The following UNC79 variants were observed in gnomAD, a reference collection of about 807,000 sequenced individuals.
The protein encoded by UNC79 is protein unc-79 homolog.
UNC79 carries 37 observed loss-of-function variants against 283.1 expected under a neutral mutation model. The ratio of observed to expected loss-of-function variants is 0.13; its 90% CI spans 0.10 to 0.17. UNC79 has a LOEUF of 0.17. Ranked by LOEUF, UNC79 falls within the 10% of genes least tolerant of loss-of-function variation. The pLI is 1.00. For synonymous variants in UNC79, 1,107 were observed against 1,200.2 expected, an observed-to-expected ratio of 0.92 and a Z score of 1.61; for missense variants, 2,272 against 3,211.1, an observed-to-expected ratio of 0.71 and a Z score of 7.07.
chr14:93,481,975 C>T (rs2058168428), intron 4 of UNC79, among the ~76,000 whole-genome samples: 1 of 152,064 alleles, frequency 6.6e-6, no homozygotes, highest in Non-Finnish European at 1.5e-5. Flanking sequence ...CTTTGGTTTC[C>T]TTAGCTGTAA....
At chr14:93,528,603 C>A (rs2060651338) in exon 9 of UNC79, 1 of 1,613,660 alleles carries the variant, frequency 6.2e-7, no homozygotes, top group Non-Finnish European at 8.5e-7. Context: ...TGATAAACCA[C>A]CCCCGTTGTA....
At chr14:93,615,679 C>T (rs560527555) in intron 27 of UNC79, among the ~76,000 whole-genome samples, 2 of 128,806 alleles carry the variant, frequency 1.6e-5, no homozygotes, top group East Asian at 4.4e-4. Flanking sequence ...CAAGATTGCA[C>T]CACTAAACTC....
intron 35 of UNC79, among the ~76,000 whole-genome samples, chr14:93,647,191 A>G (rs1407635872): frequency 2.0e-5 from 3 of 152,234 alleles, no homozygotes; most frequent in Non-Finnish European, 4.4e-5. Context: ...AATTCATTCA[A>G]CAAGTATTTA....
At chr14:93,467,951 A>C (rs1270849387) in intron 2 of UNC79, among the ~76,000 whole-genome samples, 160 bp downstream of exon 2, 1 of 151,938 alleles carries the variant, frequency 6.6e-6, no homozygotes, top group African/African-American at 2.4e-5. Flanking sequence ...TGTATGTAGC[A>C]AATTGGATCC....
intron 1 of UNC79, among the ~76,000 whole-genome samples, chr14:93,378,850 A>T (rs2054611257): frequency 6.6e-6 from 1 of 152,184 alleles, no homozygotes; most frequent in South Asian, 2.1e-4. Flanking sequence ...CTCTTCTTTC[A>T]GTGTGATGTA....
Position 93,531,757 on chromosome 14 carries a change from A to G in UNC79, c.1094-793A>G, listed in dbSNP as rs188282646. On this transcript the variant is annotated intron_variant, in intron 10 of 48. Transcript: ENST00000555664. The surrounding 1 kb of genome is among the most constrained non-coding windows in gnomAD (Gnocchi z 4.2). ...TATCACATTAACCCAGTGTCATAGT[A>G]TAATGGGAAGAACAGTAAATGGGGA... is the stretch of plus-strand genomic sequence containing the variant. Among the ~76,000 whole-genome samples the G allele has an allele frequency of 1.1e-3, 164 of 152,352 alleles. No homozygotes were observed. Among genetic ancestry groups the G allele is most frequent in the Non-Finnish European group, 1.5e-3 (100 of 68,026 alleles).
chr14:93,525,309 C>T (rs1311980362), intron 8 of UNC79, among the ~76,000 whole-genome samples: 9 of 151,992 alleles, frequency 5.9e-5, no homozygotes, highest in African/African-American at 9.6e-5. Context: ...ATAAGCTGGG[C>T]GTGGTGGTGT....
intron 1 of UNC79, among the ~76,000 whole-genome samples, chr14:93,335,751 G>A (rs1167496654): frequency 6.6e-6 from 1 of 152,220 alleles, no homozygotes; most frequent in Non-Finnish European, 1.5e-5. Flanking sequence ...GAAACAAAGT[G>A]AGAGAAAGGA....
In UNC79 at chr14:93,617,317, G is replaced by T. The variant is rs1186808748; in HGVS notation, c.4224+13G>T. 2 of 1,613,184 alleles carry T rather than the reference G, an allele frequency of 1.2e-6. No individual in the cohort carries two copies. Among genetic ancestry groups the T allele is most frequent in the Admixed American group, 1.7e-5 (1 of 59,968 alleles). On this transcript the variant is annotated intron_variant, in intron 28 of 48. Coordinates refer to ENST00000555664, the Ensembl canonical transcript of UNC79. The surrounding 1 kb of genome is among the most constrained non-coding windows in gnomAD (Gnocchi z 4.5). ...CATCCTTTACAAGGTGAGCTGGGTG[G>T]TCACTGCTGTTTTGGATGCAATGGT... is the stretch of plus-strand genomic sequence containing the variant.
exon 30 of UNC79, chr14:93,622,362 C>T (rs1210983782): frequency 3.7e-6 from 6 of 1,614,160 alleles, no homozygotes; most frequent in South Asian, 1.1e-5. Context: ...GCAGGGAACA[C>T]TGACTCTGCC....
At chr14:93,397,761 A>ATTTT (rs35050949) in intron 1 of UNC79, among the ~76,000 whole-genome samples, 7 of 139,212 alleles carry the variant, frequency 5.0e-5, no homozygotes, top group African/African-American at 1.9e-4. Context: ...GGTTGGAGTC[A>ATTTT]TTTTTTTTTT....
At chr14:93,422,647 G>A (rs947776257) in intron 1 of UNC79, among the ~76,000 whole-genome samples, 3 of 152,064 alleles carry the variant, frequency 2.0e-5, no homozygotes, top group African/African-American at 7.2e-5. Context: ...AACATACCTC[G>A]ATATAAACAA....
At chr14:93,522,271 A>G (rs531690785) in intron 7 of UNC79, among the ~76,000 whole-genome samples, 6 of 152,082 alleles carry the variant, frequency 3.9e-5, no homozygotes, top group Admixed American at 3.3e-4. Context: ...AGTGTCATGA[A>G]CTTCTGTAAA....
rs79991843 is a variant in UNC79, at chr14:93,388,495, G to C, written c.-351+54972G>C. The stretch of plus-strand genomic sequence containing the variant: ...CTCAAAAATGTATTTTTGTATCCAA[G>C]ATTTCTGCTAAATTGTATATGCACT... On this transcript the variant is annotated intron_variant, in intron 1 of 49. Coordinates refer to the UNC79 transcript ENST00000256339. 2.0e-3 allele frequency among the ~76,000 whole-genome samples: 304 copies of C among 152,238 alleles called. 5 individuals carry two copies. In the East Asian group the frequency reaches 0.021, roughly 10 times the overall value.
chr14:93,620,776 G>A, intron 29 of UNC79, 116 bp from the exon 31 acceptor site: 1 of 312,638 alleles, frequency 3.2e-6, no homozygotes. Flanking sequence ...ACTTGGGCTG[G>A]TGCAGAAACT....
At chr14:93,338,639 G>T (rs2053635131) in intron 1 of UNC79, among the ~76,000 whole-genome samples, 1 of 152,200 alleles carries the variant, frequency 6.6e-6, no homozygotes, top group African/African-American at 2.4e-5. Flanking sequence ...GAGTGCAGTG[G>T]CTTATGGCTG....
chr14:93,680,572 G>A (rs1306874995), intron 41 of UNC79, among the ~76,000 whole-genome samples: 1 of 151,952 alleles, frequency 6.6e-6, no homozygotes, highest in Non-Finnish European at 1.5e-5. Flanking sequence ...TTAGACTGAA[G>A]ACTTAGATAG....
chr14:93,506,039 T>C (rs1315586286), intron 7 of UNC79, among the ~76,000 whole-genome samples: 1 of 151,986 alleles, frequency 6.6e-6, no homozygotes, highest in Non-Finnish European at 1.5e-5. Flanking sequence ...TATATTTTCC[T>C]TTTTCTTGCT....
intron 1 of UNC79, among the ~76,000 whole-genome samples, chr14:93,465,269 A>C (rs1242768): frequency 6.6e-6 from 1 of 151,974 alleles, no homozygotes; most frequent in Non-Finnish European, 1.5e-5. Context: ...TATACTCTCT[A>C]TATATCCTAA....
Sources: gnomAD v4.1 joint callset for allele counts (sites outside exome capture counted in the v4.1 genomes callset) on GRCh38, gnomAD v4.1.1 for gene constraint, Gnocchi (gnomAD v3.1) non-coding constraint, MANE v1.5 for transcripts, NCBI Gene and HGNC (gene_info 2026-07-23, HGNC 2026-07-21) for gene names.